RAI14: variants seen among roughly 807,000 people sequenced by gnomAD.
RAI14 encodes ankycorbin.
A neutral mutation model predicts 115.4 loss-of-function variants in RAI14; 45 were observed. That is an observed-to-expected ratio of 0.39 (90% CI 0.31 to 0.50). RAI14 has a LOEUF of 0.50. RAI14 is among the 20% of genes least tolerant of loss of function. The pLI is 0.85. For synonymous variants in RAI14, 371 were observed against 415.4 expected (o/e 0.89, Z 1.30); for missense variants, 939 against 1,131.2 (o/e 0.83, Z 2.44).
At chr5:34,788,064 G>A (rs1752526078) in intron 3 of RAI14, among the ~76,000 whole-genome samples, 1 of 151,454 alleles carries the variant, frequency 6.6e-6, no homozygotes, top group African/African-American at 2.4e-5. Flanking sequence ...CTACAAGCAT[G>A]TGCTACCACA....
chr5:34,807,278 T>C (rs1188923705), intron 5 of RAI14, among the ~76,000 whole-genome samples: 1 of 151,992 alleles, frequency 6.6e-6, no homozygotes, highest in Non-Finnish European at 1.5e-5. Context: ...CTCTAGGAGC[T>C]GAGAGGTTGG....
At chr5:34,730,062 G>T (rs1580057537) in intron 2 of RAI14, among the ~76,000 whole-genome samples, 1 of 152,258 alleles carries the variant, frequency 6.6e-6, no homozygotes, top group South Asian at 2.1e-4. Context: ...CTAAAATGGG[G>T]TTACAGCTGA....
At position 34,827,060 on chromosome 5, in the gene RAI14, C is replaced by G. The variant is rs968192051; in HGVS notation, c.2799+581C>G. ...GACTAACTTCAAGTTGTTGGCAGGG[C>G]TGGTTCCTCCTCGAGACCATAGGAG... On this transcript the variant is annotated intron_variant, in intron 16 of 17. Transcript: ENST00000265109. The surrounding 1 kb of genome is among the most constrained non-coding windows in gnomAD (Gnocchi z 4.2). 9.2e-5 allele frequency among the ~76,000 whole-genome samples: 14 copies of G among 152,216 alleles called. No homozygotes were observed.
Position 34,769,737 on chromosome 5 carries a change from A to G in RAI14, c.167+12139A>G, listed in dbSNP as rs556582846. Among the ~76,000 whole-genome samples the G allele has an allele frequency of 5.3e-5, 8 of 152,166 alleles. No homozygotes were observed. In the South Asian group the frequency reaches 8.3e-4, roughly 16 times the overall value. Reference sequence around the variant, plus strand: ...AGGACTAATGACTTTTAGTTTGTATATATTTTTTAAGACAGACTCACTCGG... The same window carrying G: ...AGGACTAATGACTTTTAGTTTGTATGTATTTTTTAAGACAGACTCACTCGG... On this transcript the variant is annotated intron_variant, in intron 3 of 17. Transcript: ENST00000265109.
At chr5:34,822,376 A>C (rs1756950527) in intron 14 of RAI14, among the ~76,000 whole-genome samples, 1 of 150,688 alleles carries the variant, frequency 6.6e-6, no homozygotes, top group African/African-American at 2.4e-5. Flanking sequence ...TGTACTATAT[A>C]TCCATTACCC....
chr5:34,679,208 T>G (rs1016354500), intron 1 of RAI14, among the ~76,000 whole-genome samples: 1 of 152,210 alleles, frequency 6.6e-6, no homozygotes, highest in Non-Finnish European at 1.5e-5. Context: ...CTTTTAGACC[T>G]GGATGTGAGT....
At chr5:34,768,534 T>G (rs112100830) in intron 3 of RAI14, among the ~76,000 whole-genome samples, 3 of 152,298 alleles carry the variant, frequency 2.0e-5, no homozygotes, top group African/African-American at 7.2e-5. Flanking sequence ...CTGAAATTAG[T>G]ACAAATCGCC....
chr5:34,736,711 G>A (rs1314526055), intron 2 of RAI14, among the ~76,000 whole-genome samples: 2 of 152,116 alleles, frequency 1.3e-5, no homozygotes, highest in African/African-American at 2.4e-5. Flanking sequence ...CCAGAATGTG[G>A]GTTTGAACAA....
intron 1 of RAI14, among the ~76,000 whole-genome samples, chr5:34,660,417 C>T (rs1160184199): frequency 6.6e-6 from 1 of 152,174 alleles, no homozygotes; most frequent in Non-Finnish European, 1.5e-5. Context: ...GCCTGGGCAA[C>T]AAGAGTGAAA....
chr5:34,747,715 A>G (rs1249244644), intron 2 of RAI14, among the ~76,000 whole-genome samples: 1 of 152,178 alleles, frequency 6.6e-6, no homozygotes, highest in African/African-American at 2.4e-5. Flanking sequence ...ATTATTTAAT[A>G]ATTTAAAATT....
Position 34,823,509 on chromosome 5 carries a change from T to C in RAI14, c.1667T>C (p.Leu556Ser), listed in dbSNP as rs745505251. The C allele has an allele frequency of 1.2e-6, 2 of 1,613,870 alleles. No individual in the cohort carries two copies. Among genetic ancestry groups the C allele is most frequent in the Non-Finnish European group, 1.7e-6 (2 of 1,179,926 alleles). The part of the protein sequence containing the change: ...SERNKEKVRE[L>S]EEKLVEREKG... ...AGAAATAAAGAGAAAGTGAGAGAGT[T>C]AGAGGAAAAACTGGTAGAGAGGGAG... The change falls in exon 15 of 18, where the codon TTA becomes TCA. Residue 556 changes from leucine to serine, a missense_variant. Leu to Ser is a moderately radical substitution (Grantham distance 145). Transcript: ENST00000265109. The surrounding 1 kb of genome is among the most constrained non-coding windows in gnomAD (Gnocchi z 4.5).
chr5:34,769,760 C>A (rs984366198), intron 3 of RAI14, among the ~76,000 whole-genome samples: 1 of 152,174 alleles, frequency 6.6e-6, no homozygotes, highest in African/African-American at 2.4e-5. Flanking sequence ...CAGACTCACT[C>A]GGTAGCCCAG....
At chr5:34,800,226 G>T (rs1042063462) in intron 4 of RAI14, among the ~76,000 whole-genome samples, 2 of 152,160 alleles carry the variant, frequency 1.3e-5, no homozygotes, top group African/African-American at 4.8e-5. Flanking sequence ...TTAGGGAAAG[G>T]TGCCCTGTGG....
At chr5:34,726,220 T>G (rs1293857971) in intron 2 of RAI14, among the ~76,000 whole-genome samples, 2 of 152,076 alleles carry the variant, frequency 1.3e-5, no homozygotes, top group Non-Finnish European at 2.9e-5. Flanking sequence ...GTGTATTAGC[T>G]TCTTCCCACA....
intron 4 of RAI14, among the ~76,000 whole-genome samples, chr5:34,796,240 C>CA (rs1411722701): frequency 2.2e-4 from 33 of 151,904 alleles, no homozygotes; most frequent in Non-Finnish European, 3.5e-4. Context: ...ACTAAAAATA[C>CA]AAAAAAATTT....
intron 2 of RAI14, among the ~76,000 whole-genome samples, chr5:34,752,517 C>T (rs1008375109): frequency 4.0e-5 from 6 of 151,654 alleles, no homozygotes; most frequent in Admixed American, 6.6e-5. Context: ...CCCCCAGGGA[C>T]GCAATGGAGT....
intron 2 of RAI14, among the ~76,000 whole-genome samples, chr5:34,741,383 C>T (rs187278829): frequency 5.1e-4 from 77 of 152,314 alleles, no homozygotes; most frequent in African/African-American, 1.7e-3. Flanking sequence ...AGGCTCTTAG[C>T]CCTACACTGT....
intron 2 of RAI14, chr5:34,687,676 T>C: frequency 6.4e-7 from 1 of 1,551,194 alleles, no homozygotes; most frequent in Non-Finnish European, 8.7e-7. Flanking sequence ...TTGAGCAGAG[T>C]TGTGGAGTGG....
intron 1 of RAI14, among the ~76,000 whole-genome samples, chr5:34,678,159 A>G (rs775606152): frequency 2.0e-5 from 3 of 151,012 alleles, no homozygotes; most frequent in Non-Finnish European, 4.4e-5. Context: ...GTGCAGTGGC[A>G]CGATCTTGGC....
Sources: gnomAD v4.1 joint callset for allele counts (sites outside exome capture counted in the v4.1 genomes callset) on GRCh38, gnomAD v4.1.1 for gene constraint, Gnocchi (gnomAD v3.1) non-coding constraint, MANE v1.5 for transcripts, NCBI Gene and HGNC (gene_info 2026-07-23, HGNC 2026-07-21) for gene names.